Variants in NEMP2 observed in about 807,000 individuals in gnomAD.
NEMP2 encodes the protein nuclear envelope integral membrane protein 2.
NEMP2 carries 53 observed loss-of-function variants against 54.2 expected under a neutral mutation model. The ratio of observed to expected loss-of-function variants is 0.98; its 90% CI spans 0.78 to 1.23. The LOEUF (loss-of-function observed/expected upper bound fraction) is 1.23. Among genes scored for constraint, NEMP2 ranks in the 50% most tolerant of loss-of-function variants. The pLI is 0.00. For missense variants in NEMP2, 455 were observed against 511.3 expected, an observed-to-expected ratio of 0.89 and a Z score of 1.06; for synonymous variants, 197 against 190.3, an observed-to-expected ratio of 1.04 and a Z score of -0.29.
At chr2:190,567,284 AAGGTATG>A in the NEMP2 span, among the ~76,000 whole-genome samples, 1 of 152,142 alleles carries the variant, frequency 6.6e-6, no homozygotes, top group Admixed American at 6.5e-5. The surrounding 1 kb of genome is among the most constrained non-coding windows in gnomAD (Gnocchi z 4.0). Context: ...TAAGAAAGGA[AAGGTATG>A]AGACTTAGAC....
At chr2:190,460,615 A>G in the NEMP2 span, among the ~76,000 whole-genome samples, 1 of 152,248 alleles carries the variant, frequency 6.6e-6, no homozygotes, top group Admixed American at 6.5e-5. Context: ...CCCTGCATGC[A>G]GAATGCAGTC....
At chr2:190,450,076 T>C in the NEMP2 span, among the ~76,000 whole-genome samples, 1 of 152,122 alleles carries the variant, frequency 6.6e-6, no homozygotes, top group Non-Finnish European at 1.5e-5. Context: ...CCAAGTGATG[T>C]CCCAAAGCTC....
chr2:190,503,553 T>C (rs1231521543), downstream of NEMP2, among the ~76,000 whole-genome samples: 2 of 152,212 alleles, frequency 1.3e-5, no homozygotes, highest in Non-Finnish European at 2.9e-5. The surrounding 1 kb of genome is among the most constrained non-coding windows in gnomAD (Gnocchi z 6.3). Flanking sequence ...TGTGAGAGGT[T>C]AGAGCTTAAG....
the NEMP2 span, among the ~76,000 whole-genome samples, chr2:190,611,967 C>T: frequency 6.6e-6 from 1 of 152,116 alleles, no homozygotes; most frequent in Non-Finnish European, 1.5e-5. The surrounding 1 kb of genome is among the most constrained non-coding windows in gnomAD (Gnocchi z 5.4). Flanking sequence ...CCTAGCTGTA[C>T]ACCAGGCAAG....
At chr2:190,553,466 G>A in the NEMP2 span, 1 of 152,232 alleles carries the variant, frequency 6.6e-6, no homozygotes, top group Non-Finnish European at 1.5e-5. Flanking sequence ...GGTGCTGCAG[G>A]CAGATCACTC....
the NEMP2 span, among the ~76,000 whole-genome samples, chr2:190,441,451 G>T: frequency 6.7e-6 from 1 of 149,004 alleles, no homozygotes; most frequent in African/African-American, 2.5e-5. Context: ...GGAGGCATAG[G>T]TAAGGGGAGG....
At position 190,504,766 on chromosome 2, in the gene NEMP2, T is replaced by G. The variant is rs937583023; in HGVS notation, c.*4423A>C. On this transcript the variant is annotated 3_prime_UTR_variant, in exon 9 of 9. Transcript: ENST00000409150. The surrounding 1 kb of genome is among the most constrained non-coding windows in gnomAD (Gnocchi z 5.6). ...ACATTTGAAAAAAGGTCGGATTTTTTTTGTTTCCTGAAAAGATCACTGGCA... is the reference window on the plus strand; with the variant it reads ...ACATTTGAAAAAAGGTCGGATTTTTGTTGTTTCCTGAAAAGATCACTGGCA... The G allele has an allele frequency of 6.6e-6, 1 of 152,230 alleles. No homozygotes were observed. The highest frequency in any genetic ancestry group is 1.5e-5 in the Non-Finnish European group (1 of 68,054). 9.4% of individuals were successfully genotyped at this position (152,230 alleles called of 1,614,324 possible).
At chr2:190,430,954 G>C in the NEMP2 span, among the ~76,000 whole-genome samples, 1 of 148,574 alleles carries the variant, frequency 6.7e-6, no homozygotes, top group Non-Finnish European at 1.5e-5. Flanking sequence ...CAGACGGGGC[G>C]GCTGCTGGGT....
the NEMP2 span, among the ~76,000 whole-genome samples, chr2:190,549,295 G>A: frequency 6.6e-6 from 1 of 152,136 alleles, no homozygotes; most frequent in Non-Finnish European, 1.5e-5. Context: ...TGTGACATTA[G>A]GAACTATTGA....
At chr2:190,638,389 A>G in the NEMP2 span, among the ~76,000 whole-genome samples, 2 of 152,080 alleles carry the variant, frequency 1.3e-5, no homozygotes, top group African/African-American at 4.8e-5. This position sits in a 1 kb window ranked among gnomAD's most constrained non-coding sequence, Gnocchi z 5.7. Flanking sequence ...TGGGAGTGGA[A>G]GGCGACAATA....
Position 190,527,733 on chromosome 2 carries a change from C to T in NEMP2, c.98-2355G>A, listed in dbSNP as rs1370994407. ...TGCAGGAGGTGAGCGGTGCGCGAGG[C>T]GAGTGATCATTACCACCTGAGCTCC... On this transcript the variant is annotated intron_variant, in intron 1 of 8. Transcript: ENST00000409150. This position sits in a 1 kb window ranked among gnomAD's most constrained non-coding sequence, Gnocchi z 4.0. 1.3e-5 allele frequency among the ~76,000 whole-genome samples: 2 copies of T among 152,162 alleles called. No homozygotes were observed. Among genetic ancestry groups the T allele is most frequent in the East Asian group, 1.9e-4 (1 of 5,166 alleles).
At chr2:190,554,677 C>T in the NEMP2 span, among the ~76,000 whole-genome samples, 1 of 152,204 alleles carries the variant, frequency 6.6e-6, no homozygotes, top group South Asian at 2.1e-4. The surrounding 1 kb of genome is among the most constrained non-coding windows in gnomAD (Gnocchi z 5.7). Flanking sequence ...ATAGATAAAA[C>T]CCCCACTTCC....
chr2:190,496,745 A>G, the NEMP2 span, among the ~76,000 whole-genome samples: 4 of 152,208 alleles, frequency 2.6e-5, no homozygotes, highest in Non-Finnish European at 5.9e-5. This position sits in a 1 kb window ranked among gnomAD's most constrained non-coding sequence, Gnocchi z 4.7. Flanking sequence ...AAAGGAATGA[A>G]TTAATGGCAT....
chr2:190,473,426 G>A, the NEMP2 span, among the ~76,000 whole-genome samples: 5 of 152,088 alleles, frequency 3.3e-5, no homozygotes, highest in Non-Finnish European at 4.4e-5. Flanking sequence ...AAAAAGGCAG[G>A]GGTTGCAATC....
the NEMP2 span, among the ~76,000 whole-genome samples, chr2:190,615,751 T>G: frequency 1.3e-5 from 2 of 152,152 alleles, no homozygotes; most frequent in Admixed American, 1.3e-4. The surrounding 1 kb of genome is among the most constrained non-coding windows in gnomAD (Gnocchi z 4.7). Context: ...GTGATCTCAT[T>G]AGCACACAAA....
the NEMP2 span, among the ~76,000 whole-genome samples, chr2:190,433,653 G>A: frequency 6.6e-6 from 1 of 152,104 alleles, no homozygotes; most frequent in Non-Finnish European, 1.5e-5. The surrounding 1 kb of genome is among the most constrained non-coding windows in gnomAD (Gnocchi z 4.5). Flanking sequence ...AAACCGACAT[G>A]AACATTTTCA....
the NEMP2 span, among the ~76,000 whole-genome samples, chr2:190,568,708 GCT>G: frequency 3.3e-3 from 509 of 152,230 alleles, 2 homozygotes; most frequent in Middle Eastern, 6.8e-3. This position sits in a 1 kb window ranked among gnomAD's most constrained non-coding sequence, Gnocchi z 4.7. Context: ...TGTAATCCCA[GCT>G]ACTCTGGAGG....
At chr2:190,625,176 T>C in the NEMP2 span, 1 of 152,158 alleles carries the variant, frequency 6.6e-6, no homozygotes, top group South Asian at 2.1e-4. Flanking sequence ...ACATGATTAA[T>C]AGTAGCTAAA....
chr2:190,499,867 C>T (rs1239048166), downstream of NEMP2: 6 of 1,551,154 alleles, frequency 3.9e-6, no homozygotes, highest in Non-Finnish European at 5.2e-6. This position sits in a 1 kb window ranked among gnomAD's most constrained non-coding sequence, Gnocchi z 6.0. Flanking sequence ...GTAAGACATT[C>T]TATCCTTATT....
Sources: gnomAD v4.1 joint callset for allele counts (sites outside exome capture counted in the v4.1 genomes callset) on GRCh38, gnomAD v4.1.1 for gene constraint, Gnocchi (gnomAD v3.1) non-coding constraint, MANE v1.5 for transcripts, NCBI Gene and HGNC (gene_info 2026-07-23, HGNC 2026-07-21) for gene names.